The following PDZRN4 variants were observed in gnomAD, a reference collection of about 807,000 sequenced individuals.
PDZRN4 encodes PDZ domain containing ring finger 4.
In PDZRN4, 70 loss-of-function variants were observed where a neutral mutation model predicts 99.0. The observed-to-expected ratio is 0.71, with a 90% CI of 0.58 to 0.86. The LOEUF (loss-of-function observed/expected upper bound fraction) is 0.86, where lower values mean the gene tolerates loss of function less well. PDZRN4 is among the 40% of genes least tolerant of loss of function. The pLI is 0.00. For missense variants in PDZRN4, 1,474 were observed against 1,331.2 expected (o/e 1.11, Z -1.67); for synonymous variants, 551 against 501.6 (o/e 1.10, Z -1.32).
At chr12:41,435,452 TTGCCTTAC>T (rs1232394702) in intron 3 of PDZRN4, among the ~76,000 whole-genome samples, 1 of 152,214 alleles carries the variant, frequency 6.6e-6, no homozygotes, top group African/African-American at 2.4e-5. Flanking sequence ...TGAGCCATCT[TTGCCTTAC>T]TGCACTCTAA....
chr12:41,432,896 A>G lies in PDZRN4; in HGVS notation c.844-73560A>G, dbSNP rs200622784. Among the ~76,000 whole-genome samples, 4 of 152,216 alleles carry G rather than the reference A, an allele frequency of 2.6e-5. No homozygotes were observed. In the East Asian group the frequency reaches 7.7e-4, roughly 29 times the overall value. On this transcript the variant is annotated intron_variant, in intron 3 of 9. Coordinates refer to ENST00000402685, the MANE Select transcript of PDZRN4 (RefSeq NM_001164595.2). Reference sequence around the variant, plus strand: ...GCAGTTCAGCTTTGCTGGAGCCTGAAAAAAGAATCGTGTATTCAAATGACC... The same window carrying G: ...GCAGTTCAGCTTTGCTGGAGCCTGAGAAAAGAATCGTGTATTCAAATGACC...
chr12:41,374,094 G>A (rs372107229), intron 3 of PDZRN4, among the ~76,000 whole-genome samples: 3 of 152,158 alleles, frequency 2.0e-5, no homozygotes, highest in South Asian at 2.1e-4. Flanking sequence ...TGGAGCGAGA[G>A]CTCTTTGGCT....
chr12:41,204,914 G>A (rs982868641), intron 3 of PDZRN4, among the ~76,000 whole-genome samples: 1 of 151,934 alleles, frequency 6.6e-6, no homozygotes, highest in East Asian at 1.9e-4. Flanking sequence ...CTAGAATATT[G>A]CAATTTACTT....
intron 3 of PDZRN4, among the ~76,000 whole-genome samples, chr12:41,226,203 C>T (rs1481684434): frequency 6.6e-6 from 1 of 152,046 alleles, no homozygotes; most frequent in Non-Finnish European, 1.5e-5. Flanking sequence ...AGCTTCATGG[C>T]TTTGCTCCAA....
At chr12:41,446,685 G>GT (rs1207657391) in intron 3 of PDZRN4, among the ~76,000 whole-genome samples, 25 of 151,988 alleles carry the variant, frequency 1.6e-4, no homozygotes, top group Admixed American at 1.5e-3. Flanking sequence ...TTCCAGGAGT[G>GT]TATCATGAAG....
intron 3 of PDZRN4, among the ~76,000 whole-genome samples, chr12:41,370,286 T>C (rs982421130): frequency 9.2e-5 from 14 of 151,978 alleles, no homozygotes; most frequent in Non-Finnish European, 1.8e-4. Context: ...GGCAACTTCT[T>C]GCATTTTGTT....
At chr12:41,369,426 A>G (rs1471168857) in intron 3 of PDZRN4, among the ~76,000 whole-genome samples, 1 of 152,200 alleles carries the variant, frequency 6.6e-6, no homozygotes, top group South Asian at 2.1e-4. Flanking sequence ...TTTCATTTAT[A>G]AGTAAAATTG....
chr12:41,317,048 G>GTATACATATATATATATATA (rs374645706), intron 3 of PDZRN4, among the ~76,000 whole-genome samples: 1,863 of 69,472 alleles, frequency 0.027, 172 homozygotes, highest in Non-Finnish European at 0.04. Context: ...CTTACATAAA[G>GTATACATATATATATATATA]TATATATATA....
At chr12:41,337,958 T>G (rs1345600489) in intron 3 of PDZRN4, among the ~76,000 whole-genome samples, 1 of 152,110 alleles carries the variant, frequency 6.6e-6, no homozygotes, top group African/African-American at 2.4e-5. Context: ...GGAGTCTTAC[T>G]ATGTTGTCTA....
intron 3 of PDZRN4, among the ~76,000 whole-genome samples, chr12:41,424,414 T>A (rs1488144363): frequency 6.6e-6 from 1 of 152,278 alleles, no homozygotes; most frequent in African/African-American, 2.4e-5. Context: ...AAAATTTGGA[T>A]GGTGTGTAGA....
At chr12:41,244,518 T>C (rs1418697889) in intron 3 of PDZRN4, among the ~76,000 whole-genome samples, 2 of 152,076 alleles carry the variant, frequency 1.3e-5, no homozygotes, top group Non-Finnish European at 2.9e-5. Flanking sequence ...TCTCTGACCC[T>C]ACCTTCTACA....
At chr12:41,333,796 A>T (rs1951754787) in intron 3 of PDZRN4, among the ~76,000 whole-genome samples, 1 of 152,142 alleles carries the variant, frequency 6.6e-6, no homozygotes, top group Non-Finnish European at 1.5e-5. Flanking sequence ...TGCAAAGGTA[A>T]CACATCATGA....
At chr12:41,474,258 G>A (rs1953019877) in intron 3 of PDZRN4, among the ~76,000 whole-genome samples, 2 of 152,182 alleles carry the variant, frequency 1.3e-5, no homozygotes, top group African/African-American at 4.8e-5. Flanking sequence ...TTACCCAACT[G>A]AAGAAATTAT....
At chr12:41,287,955 C>T (rs754640973) in intron 3 of PDZRN4, among the ~76,000 whole-genome samples, 2 of 152,122 alleles carry the variant, frequency 1.3e-5, no homozygotes, top group Non-Finnish European at 2.9e-5. Context: ...CTAGTTGTGA[C>T]TTAGGATTAT....
intron 3 of PDZRN4, among the ~76,000 whole-genome samples, chr12:41,332,588 A>G (rs1235352950): frequency 1.3e-5 from 2 of 151,930 alleles, no homozygotes; most frequent in African/African-American, 2.4e-5. Flanking sequence ...TTGTGATTGC[A>G]TGGATCAGCC....
chr12:41,444,417 C>A (rs2730821), intron 3 of PDZRN4, among the ~76,000 whole-genome samples: 77,215 of 151,674 alleles, frequency 0.51, 20,114 homozygotes, highest in African/African-American at 0.64. Context: ...CTCACAGTTC[C>A]CTCCTTCTGC....
At chr12:41,475,820 T>G (rs1242722802) in intron 3 of PDZRN4, among the ~76,000 whole-genome samples, 1 of 152,246 alleles carries the variant, frequency 6.6e-6, no homozygotes, top group Admixed American at 6.5e-5. Flanking sequence ...TACAGATCCC[T>G]TTCTACTTAT....
At position 41,497,963 on chromosome 12, in the gene PDZRN4, A is replaced by G. The variant is rs35993446; in HGVS notation, c.844-8493A>G. On this transcript the variant is annotated intron_variant, in intron 3 of 9. Transcript: ENST00000402685. The stretch of plus-strand genomic sequence containing the variant: ...AATCTATTTTTAACTAATAATAAAT[A>G]TAACAATATTATGAAACTTTTTTTT... Among the ~76,000 whole-genome samples, 332 of 152,130 alleles carry G rather than the reference A, an allele frequency of 2.2e-3. 1 individual carries two copies. The highest frequency in any genetic ancestry group is 4.6e-3 in the African/African-American group (189 of 41,468).
intron 5 of PDZRN4, among the ~76,000 whole-genome samples, chr12:41,522,043 C>A (rs1379264658): frequency 6.6e-6 from 1 of 152,050 alleles, no homozygotes; most frequent in East Asian, 1.9e-4. Flanking sequence ...AGTTCATAAT[C>A]CTTAAAGAAT....
Sources: allele counts gnomAD v4.1 joint callset (sites outside exome capture counted in the v4.1 genomes callset), GRCh38; gene constraint gnomAD v4.1.1; transcripts MANE v1.5; gene names NCBI Gene and HGNC (gene_info 2026-07-23, HGNC 2026-07-21).